Variants in FAT2 observed in about 807,000 individuals in gnomAD.
FAT2 encodes FAT atypical cadherin 2.
Under a neutral mutation model 295.3 loss-of-function variants are expected in FAT2, and 150 were observed. The observed-to-expected ratio is 0.51, with a 90% CI of 0.44 to 0.58. The LOEUF is 0.58. Among genes scored for constraint, FAT2 ranks in the 20% least tolerant of loss-of-function variants. The pLI, the probability that FAT2 is intolerant of heterozygous loss-of-function variation, is 0.00. For missense variants in FAT2, 4,868 were observed against 5,442.7 expected (o/e 0.89, Z 3.32); for synonymous variants, 2,026 against 2,150.3 (o/e 0.94, Z 1.60).
At chr5:151,537,969 G>T in intron 11 of FAT2, 23 bp from the exon 12 acceptor site, 1 of 1,610,856 alleles carries the variant, frequency 6.2e-7, no homozygotes, top group South Asian at 1.1e-5. Context: ...AGACAAAGAA[G>T]AGGGAGACTG....
intron 3 of FAT2, among the ~76,000 whole-genome samples, chr5:151,561,515 T>C (rs1758015436): frequency 6.6e-6 from 1 of 152,214 alleles, no homozygotes; most frequent in Non-Finnish European, 1.5e-5. Context: ...CTCAGCCTTC[T>C]GAATAGCTGA....
upstream of FAT2, among the ~76,000 whole-genome samples, chr5:151,591,374 A>G (rs557297091): frequency 3.0e-4 from 46 of 152,306 alleles, 1 homozygote; most frequent in African/African-American, 1.0e-3. Context: ...AGGTGGGAGA[A>G]TTGAGGCGGA....
At position 151,543,956 on chromosome 5, in the gene FAT2, G is replaced by T. The variant is rs370370171; in HGVS notation, c.7171C>A (p.Leu2391Met). ...QPQYEANVSE[L>M]ATCGHLVLKV... ...AGAACCAGGTGTCCACAGGTTGCCA[G>T]TTCACTGACATTGGCTTCATATTGA... The change falls in exon 10 of 24, where the codon CTG (leucine) becomes ATG (methionine). Residue 2391 changes from leucine to methionine, a missense_variant. By Grantham distance (15) the Leu-to-Met change is conservative. Coordinates refer to ENST00000261800, the MANE Select transcript of FAT2 (RefSeq NM_001447.3). 95 of 1,614,062 alleles carry T rather than the reference G, an allele frequency of 5.9e-5. No homozygotes were observed. Among genetic ancestry groups the T allele is most frequent in the African/African-American group, 1.3e-4 (10 of 74,922 alleles).
At chr5:151,517,237 T>G (rs550427103) in intron 20 of FAT2, among the ~76,000 whole-genome samples, 1 of 152,256 alleles carries the variant, frequency 6.6e-6, no homozygotes, top group South Asian at 2.1e-4. Flanking sequence ...AGGAAATTTA[T>G]TTTTCTTCCA....
rs916463276 is a variant in FAT2 at position 151,546,308 on chromosome 5, C to T, written c.4819G>A (p.Ala1607Thr). The T allele has an allele frequency of 5.6e-6, 9 of 1,613,234 alleles. No homozygotes were observed. The highest frequency in any genetic ancestry group is 7.6e-6 in the Non-Finnish European group (9 of 1,179,678). The change falls in exon 10 of 24, where the codon GCC (alanine) becomes ACC (threonine). Residue 1607 changes from alanine to threonine, a missense_variant. Coordinates refer to ENST00000261800, the MANE Select transcript of FAT2 (RefSeq NM_001447.3). ...GNSEGFFNIN[A>T]LLGIITLAQK... ...GCTAGAGTAATGATGCCTAGCAGGG[C>T]ATTGATGTTGAAGAAACCTTCGCTG...
intron 1 of FAT2, among the ~76,000 whole-genome samples, chr5:151,584,603 C>T (rs927580171): frequency 2.0e-5 from 3 of 152,152 alleles, no homozygotes; most frequent in Non-Finnish European, 2.9e-5. Context: ...ATAATAGTAA[C>T]GTTGATTATA....
chr5:151,517,811 A>G, intron 19 of FAT2, 46 bp from the exon 20 acceptor site: 1 of 1,608,166 alleles, frequency 6.2e-7, no homozygotes, highest in Non-Finnish European at 8.5e-7. Flanking sequence ...AGTGGTCCCC[A>G]TTGAGCCCTT....
chr5:151,590,820 A>G (rs1293575346), intron 1 of FAT2, among the ~76,000 whole-genome samples: 1 of 152,224 alleles, frequency 6.6e-6, no homozygotes, highest in East Asian at 1.9e-4. Context: ...GCTCATCTCC[A>G]GAAAGCCCAA....
chr5:151,568,232 T>C lies in FAT2; in HGVS notation c.700A>G (p.Asn234Asp). The C allele has an allele frequency of 1.2e-6, 2 of 1,614,068 alleles. No homozygotes were observed. The highest frequency in any genetic ancestry group is 1.6e-4 in the Middle Eastern group (1 of 6,062). Residue 234 changes from asparagine to aspartate, a missense_variant, in exon 2 of 24, where the codon AAT becomes GAT. Physicochemically the swap from Asn to Asp is conservative, Grantham distance 23. Around this residue, in one of 5 missense-constraint regions of FAT2, gnomAD observed 3,297 missense variants for 3,669.4 expected, o/e 0.90. Coordinates refer to ENST00000261800, the MANE Select transcript of FAT2 (RefSeq NM_001447.3). Reference protein sequence around the residue: ...VDRMRKISEGNGFGSLAALVV... With the variant: ...VDRMRKISEGDGFGSLAALVV... ...AGTGCAGCCAGGCTGCCAAACCCATTGCCCTCAGAGATTTTCCGCATGCGG... is the reference window on the plus strand; with the variant it reads ...AGTGCAGCCAGGCTGCCAAACCCATCGCCCTCAGAGATTTTCCGCATGCGG...
intron 9 of FAT2, among the ~76,000 whole-genome samples, chr5:151,546,627 A>G (rs372427459): frequency 3.3e-5 from 5 of 152,330 alleles, no homozygotes; most frequent in Admixed American, 6.5e-5. Context: ...AGGAGACTCC[A>G]TAGGAAAACA....
rs1754340990 is a variant in FAT2 at position 151,529,248 on chromosome 5, G to A, written c.9956C>T (p.Pro3319Leu). ...GCTATATGGATCTTGGGGGAATTGG[G>A]GCCGGTGTTCATTGACATCAGTGAT... ...VNITDVNEHR[P>L]QFPQDPYSTR... Residue 3319 changes from proline to leucine, a missense_variant, in exon 15 of 24, where the codon CCC becomes CTC. Transcript: ENST00000261800. 6.2e-7 allele frequency: 1 copy of A among 1,613,962 alleles called. No homozygotes were observed. Among genetic ancestry groups the A allele is most frequent in the Non-Finnish European group, 8.5e-7 (1 of 1,180,016 alleles).
At chr5:151,573,867 A>G (rs140136271) in intron 1 of FAT2, among the ~76,000 whole-genome samples, 82 of 152,204 alleles carry the variant, frequency 5.4e-4, no homozygotes, top group African/African-American at 2.0e-3. Flanking sequence ...TCTTTGTCCA[A>G]CTCATTGATA....
intron 1 of FAT2, among the ~76,000 whole-genome samples, chr5:151,584,543 T>C (rs1759095627): frequency 6.6e-6 from 1 of 152,194 alleles, no homozygotes; most frequent in Admixed American, 6.5e-5. Flanking sequence ...AAACTTCAGA[T>C]GCCAGATTTA....
chr5:151,507,860 A>T (rs76991163), intron 22 of FAT2, among the ~76,000 whole-genome samples: 1,641 of 152,272 alleles, frequency 0.011, 31 homozygotes, highest in African/African-American at 0.037. Flanking sequence ...TTTTTCCAGC[A>T]ATGAGATCTA....
At chr5:151,560,163 T>A (rs1459206635) in intron 3 of FAT2, among the ~76,000 whole-genome samples, 1 of 152,192 alleles carries the variant, frequency 6.6e-6, no homozygotes, top group African/African-American at 2.4e-5. Flanking sequence ...CTTTCCATCT[T>A]CATCTTCCTC....
At chr5:151,537,516 AT>A (rs1755566281) in intron 12 of FAT2, among the ~76,000 whole-genome samples, 1 of 149,990 alleles carries the variant, frequency 6.7e-6, no homozygotes, top group Non-Finnish European at 1.5e-5. Context: ...AAAGAATAAA[AT>A]AAATCCCCTT....
rs1490944678 is a variant in FAT2 at position 151,521,461 on chromosome 5, T to C, written c.11132A>G (p.Glu3711Gly). ...SIITHSAKEM[E>G]HSVGVQMRSA... Reference sequence around the variant, plus strand: ...CCGCATCTGAACCCCCACTGAATGCTCCATCTCCTTGGCTGAGTGAGTGAT... The same window carrying C: ...CCGCATCTGAACCCCCACTGAATGCCCCATCTCCTTGGCTGAGTGAGTGAT... Residue 3711 changes from glutamate (E) to glycine (G), a missense_variant, in exon 19 of 24, where the codon GAG becomes GGG. Coordinates refer to ENST00000261800, the MANE Select transcript of FAT2 (RefSeq NM_001447.3). 3.7e-6 allele frequency: 6 copies of C among 1,614,204 alleles called. No individual in the cohort carries two copies. The highest frequency in any genetic ancestry group is 2.2e-5 in the East Asian group (1 of 44,884).
intron 17 of FAT2, among the ~76,000 whole-genome samples, chr5:151,526,709 A>G (rs574428370): frequency 1.3e-5 from 2 of 152,314 alleles, no homozygotes; most frequent in East Asian, 3.9e-4. Context: ...CCATACCCAT[A>G]ATATATAAAA....
In FAT2 at chr5:151,529,530, C is replaced by T. The variant is rs566108557; in HGVS notation, c.9812-138G>A. 163 of 659,768 alleles carry T rather than the reference C, an allele frequency of 2.5e-4. No homozygotes were observed. In the Middle Eastern group the frequency reaches 3.3e-3, roughly 13 times the overall value. 40.9% of individuals were successfully genotyped at this position (659,768 alleles called of 1,614,324 possible). A position where few individuals can be genotyped will look rare whatever the true frequency, so the allele number is the denominator to read the frequency against. On this transcript the variant is annotated intron_variant, in intron 14 of 23. Coordinates refer to ENST00000261800, the MANE Select transcript of FAT2 (RefSeq NM_001447.3). ...AAGTGTCCTCTGTCATCTCCCCATC[C>T]ATCTCCCTTTGCTATCCCCTTGACC... is the stretch of plus-strand genomic sequence containing the variant.
Sources: gnomAD v4.1 joint callset for allele counts (sites outside exome capture counted in the v4.1 genomes callset) on GRCh38, gnomAD v4.1.1 for gene constraint, gnomAD v4.1.1 regional missense constraint, MANE v1.5 for transcripts, NCBI Gene and HGNC (gene_info 2026-07-23, HGNC 2026-07-21) for gene names.